RNF114: variants seen among roughly 807,000 people sequenced by gnomAD.
The protein encoded by RNF114 is E3 ubiquitin-protein ligase RNF114.
RNF114 carries 6 observed loss-of-function variants against 28.4 expected under a neutral mutation model. That is an observed-to-expected ratio of 0.21 (90% CI 0.12 to 0.42). The LOEUF (loss-of-function observed/expected upper bound fraction) is 0.42. Among genes scored for constraint, RNF114 ranks in the 10% least tolerant of loss-of-function variants. The pLI, the probability that RNF114 is intolerant of heterozygous loss-of-function variation, is 1.00. For missense variants in RNF114, 249 were observed against 311.7 expected (o/e 0.80, Z 1.51); for synonymous variants, 115 against 116.7 (o/e 0.99, Z 0.09).
At chr20:49,944,497 A>G (rs1266352951) in intron 2 of RNF114, 1 of 152,018 alleles carries the variant, frequency 6.6e-6, no homozygotes, top group Non-Finnish European at 1.5e-5. Context: ...AATTCTTAAA[A>G]CTTTCTTTCT....
chr20:49,947,201 C>G (rs1428520106), intron 4 of RNF114, among the ~76,000 whole-genome samples: 2 of 103,590 alleles, frequency 1.9e-5, no homozygotes, highest in Admixed American at 1.3e-4. Context: ...GTCTGGGCAG[C>G]AGAACAAAAC....
At chr20:49,942,390 A>C (rs2090311267) in intron 2 of RNF114, among the ~76,000 whole-genome samples, 1 of 152,200 alleles carries the variant, frequency 6.6e-6, no homozygotes, top group African/African-American at 2.4e-5. Context: ...TGGAAAGGAG[A>C]AATACTGTTG....
chr20:49,942,656 C>G (rs1052665267), intron 2 of RNF114, among the ~76,000 whole-genome samples: 1 of 152,088 alleles, frequency 6.6e-6, no homozygotes, highest in African/African-American at 2.4e-5. Flanking sequence ...AACCTCGGCT[C>G]TACTGAAAAT....
Position 49,936,406 on chromosome 20 carries a change from C to T in RNF114, c.-7C>T. The T allele has an allele frequency of 1.3e-6, 2 of 1,501,138 alleles. No individual in the cohort carries two copies. The highest frequency in any genetic ancestry group is 1.8e-6 in the Non-Finnish European group (2 of 1,124,780). The allele number at this position is 1,501,138 out of a possible 1,614,324, so 93.0% of individuals were successfully genotyped here. The stretch of plus-strand genomic sequence containing the variant: ...GCCGCCGTTGCGCGGCGCAGAGCGG[C>T]AGCAAGATGGCGGCGCAACAGCGGG... On this transcript the variant is annotated 5_prime_UTR_variant, in exon 1 of 6. Transcript: ENST00000244061.
At chr20:49,938,912 T>A (rs2090297100) in intron 1 of RNF114, among the ~76,000 whole-genome samples, 1 of 152,232 alleles carries the variant, frequency 6.6e-6, no homozygotes, top group Non-Finnish European at 1.5e-5. Flanking sequence ...TCATCTGCCT[T>A]TGTGAACAGG....
At chr20:49,946,281 T>G in intron 4 of RNF114, 31 bp downstream of exon 4, 1 of 1,136,866 alleles carries the variant, frequency 8.8e-7, no homozygotes, top group Non-Finnish European at 1.3e-6. Flanking sequence ...TTTTTAAACT[T>G]CATTAAGGGA....
chr20:49,938,149 T>C (rs2090294783), intron 1 of RNF114, among the ~76,000 whole-genome samples: 1 of 152,228 alleles, frequency 6.6e-6, no homozygotes, highest in African/African-American at 2.4e-5. Flanking sequence ...GGATCAGATT[T>C]ACCTGATTTT....
chr20:49,937,422 C>A (rs1021855361), intron 1 of RNF114, among the ~76,000 whole-genome samples: 3 of 152,176 alleles, frequency 2.0e-5, no homozygotes, highest in African/African-American at 7.2e-5. Context: ...TTGGTCTTGG[C>A]AGCGGGCACA....
intron 5 of RNF114, among the ~76,000 whole-genome samples, chr20:49,950,383 C>G (rs980651262): frequency 4.6e-5 from 7 of 151,788 alleles, no homozygotes; most frequent in Admixed American, 4.6e-4. Flanking sequence ...TGTTATAGAA[C>G]TTGGTTTGGG....
Position 49,936,507 on chromosome 20 carries a change from G to T in RNF114, c.95G>T (p.Cys32Phe). The T allele has an allele frequency of 6.3e-7, 1 of 1,581,076 alleles. No individual in the cohort carries two copies. Among genetic ancestry groups the T allele is most frequent in the Non-Finnish European group, 8.6e-7 (1 of 1,164,898 alleles). Residue 32 changes from cysteine to phenylalanine, a missense_variant, in exon 1 of 6, where the codon TGC (cysteine) becomes TTC (phenylalanine). Transcript: ENST00000244061. ...DPLGRFTCPV[C>F]LEVYEKPVQV... ...CTAGGACGCTTCACGTGTCCCGTGT[G>T]CTTAGAGGTGTACGAGAAGCCGGTA...
At chr20:49,937,426 G>A (rs2090291729) in intron 1 of RNF114, among the ~76,000 whole-genome samples, 2 of 152,124 alleles carry the variant, frequency 1.3e-5, no homozygotes, top group Non-Finnish European at 2.9e-5. Flanking sequence ...TCTTGGCAGC[G>A]GGCACAGTAG....
At chr20:49,949,402 C>A in intron 5 of RNF114, 47 bp downstream of exon 5, 1 of 1,474,898 alleles carries the variant, frequency 6.8e-7, no homozygotes, top group Non-Finnish European at 9.5e-7. Context: ...GGGAGTGGCA[C>A]GGCTACTTCA....
chr20:49,947,534 T>C lies in RNF114; in HGVS notation c.513+1284T>C, dbSNP rs573747596. The stretch of plus-strand genomic sequence containing the variant: ...CCATTTTGAGAAACATATCTTTGCC[T>C]GTATCTATGTATGTTTATAAGCTAA... On this transcript the variant is annotated intron_variant, in intron 4 of 5. Coordinates refer to ENST00000244061, the MANE Select transcript of RNF114 (RefSeq NM_018683.4). Among the ~76,000 whole-genome samples the C allele has an allele frequency of 2.0e-5, 3 of 152,256 alleles. No homozygotes were observed. The South Asian group carries it at 6.2e-4, about 32-fold the overall frequency.
intron 4 of RNF114, among the ~76,000 whole-genome samples, chr20:49,948,081 C>T (rs898305589): frequency 4.0e-5 from 6 of 151,712 alleles, no homozygotes; most frequent in Non-Finnish European, 7.4e-5. Context: ...TGAGCCACCG[C>T]GCCCGGCCCT....
intron 1 of RNF114, among the ~76,000 whole-genome samples, chr20:49,937,940 A>G (rs1414357063): frequency 6.6e-6 from 1 of 152,190 alleles, no homozygotes; most frequent in Non-Finnish European, 1.5e-5. Context: ...AGTCCAGTGA[A>G]TTGATTATAA....
At chr20:49,950,900 C>T (rs2090353024) in intron 5 of RNF114, among the ~76,000 whole-genome samples, 1 of 152,196 alleles carries the variant, frequency 6.6e-6, no homozygotes, top group Admixed American at 6.5e-5. Context: ...CCAAGCAGGA[C>T]AGGAAAATTT....
Position 49,952,808 on chromosome 20 carries a change from A to G in RNF114, c.*667A>G, listed in dbSNP as rs1457499648. 3.3e-5 allele frequency: 5 copies of G among 152,712 alleles called. No individual in the cohort carries two copies. 9.5% of individuals were successfully genotyped at this position (152,712 alleles called of 1,614,324 possible). On this transcript the variant is annotated 3_prime_UTR_variant, in exon 6 of 6. Coordinates refer to ENST00000244061, the MANE Select transcript of RNF114 (RefSeq NM_018683.4). ...TTTTTAGGATAAGGTATAACCATAC[A>G]TTTTTGGTGGAAGTGTTTCTGGGTT...
chr20:49,938,187 A>G (rs1568917998), intron 1 of RNF114, among the ~76,000 whole-genome samples: 1 of 152,340 alleles, frequency 6.6e-6, no homozygotes, highest in African/African-American at 2.4e-5. Context: ...TTCATTTACT[A>G]TTAACATTTG....
At position 49,945,408 on chromosome 20, in the gene RNF114, C is replaced by T. The variant is rs149211619; in HGVS notation, c.318C>T (p.His106=). The T allele has an allele frequency of 3.0e-5, 49 of 1,612,742 alleles. No individual in the cohort carries two copies. Among genetic ancestry groups the T allele is most frequent in the Admixed American group, 1.2e-4 (7 of 60,006 alleles). ...KNFFLSKIRS[H]VATCSKYQNY... ...TCTTCCTGTCCAAGATCCGGTCCCA[C>T]GTGGCTACTTGTTCCAAATACCAGA... is the stretch of plus-strand genomic sequence containing the variant. The change falls in exon 3 of 6, where the codon CAC becomes CAT. Residue 106 remains histidine (H), a synonymous_variant. Coordinates refer to ENST00000244061, the MANE Select transcript of RNF114 (RefSeq NM_018683.4).
Sources: gnomAD v4.1 joint callset for allele counts (sites outside exome capture counted in the v4.1 genomes callset) on GRCh38, gnomAD v4.1.1 for gene constraint, MANE v1.5 for transcripts, NCBI Gene and HGNC (gene_info 2026-07-23, HGNC 2026-07-21) for gene names.